HTR5A: variants seen among roughly 807,000 people sequenced by gnomAD.
The protein encoded by HTR5A is 5-hydroxytryptamine receptor 5A.
In HTR5A, 21 loss-of-function variants were observed where a neutral mutation model predicts 24.3. That is an observed-to-expected ratio of 0.86 (90% confidence interval 0.61 to 1.24). The LOEUF is 1.24. HTR5A is among the 50% of genes most tolerant of loss of function. The probability of loss-of-function intolerance (pLI) is 0.00; values close to 1 mark genes in which losing one functional copy is unlikely to be tolerated. For missense variants in HTR5A, 497 were observed against 489.5 expected (o/e 1.02, Z -0.15); for synonymous variants, 260 against 213.7 (o/e 1.22, Z -1.89).
chr7:155,075,635 C>G (rs1049468626), intron 1 of HTR5A, among the ~76,000 whole-genome samples: 3 of 152,144 alleles, frequency 2.0e-5, no homozygotes, highest in Non-Finnish European at 4.4e-5. Flanking sequence ...GTTCCTTTTT[C>G]TTCTAGCTTA....
At chr7:155,072,662 A>G (rs1795310301) in intron 1 of HTR5A, among the ~76,000 whole-genome samples, 1 of 152,226 alleles carries the variant, frequency 6.6e-6, no homozygotes, top group South Asian at 2.1e-4. Context: ...TGGCTCTGAA[A>G]CAAGAAAGTA....
intron 1 of HTR5A, among the ~76,000 whole-genome samples, chr7:155,075,698 C>T (rs1795352159): frequency 2.0e-5 from 3 of 152,144 alleles, no homozygotes; most frequent in African/African-American, 4.8e-5. Context: ...GAAATGGTAG[C>T]TATAGGGTAA....
chr7:155,086,978 G>A lies in HTR5A; in HGVS notation c.*2491G>A, dbSNP rs570529655. ...GGTTTCCTGCAAGCCCTCTCTGTAG[G>A]GTGACTGAGGTGAACCAATCCAAAG... On this transcript the variant is annotated 3_prime_UTR_variant, in exon 2 of 2. Transcript: ENST00000287907. Among the ~76,000 whole-genome samples, 103 of 152,174 alleles carry A rather than the reference G, an allele frequency of 6.8e-4. No homozygotes were observed. The highest frequency in any genetic ancestry group is 2.4e-3 in the African/African-American group (99 of 41,534).
rs1392961892 is a variant in HTR5A, at chr7:155,086,823, T to C, written c.*2336T>C. ...AACACTCTCATTTATGCTTGACTGC[T>C]AATATTTTATCAGGTTAGAAATTTA... is the stretch of plus-strand genomic sequence containing the variant. On this transcript the variant is annotated 3_prime_UTR_variant, in exon 2 of 2. Transcript: ENST00000287907. Among the ~76,000 whole-genome samples, 1 of 152,232 alleles carries C rather than the reference T, an allele frequency of 6.6e-6. No homozygotes were observed. The highest frequency in any genetic ancestry group is 2.4e-5 in the African/African-American group (1 of 41,462).
In HTR5A at chr7:155,084,713, T is replaced by C. The variant is rs900145572; in HGVS notation, c.*226T>C. 8 of 516,994 alleles carry C rather than the reference T, an allele frequency of 1.5e-5. No individual in the cohort carries two copies. 32.0% of individuals were successfully genotyped at this position (516,994 alleles called of 1,614,324 possible). A position where few individuals can be genotyped will look rare whatever the true frequency, so the allele number is the denominator to read the frequency against. On this transcript the variant is annotated 3_prime_UTR_variant, in exon 2 of 2. Transcript: ENST00000287907. ...GTATCTAACTTATCTACTATCCCTT[T>C]CTCTGTGCTGACAGTCATGGTCTTT...
chr7:155,070,870 A>G lies in HTR5A; in HGVS notation c.-30A>G, dbSNP rs1404121322. ...AGTCCTCCTGAACACCCCTTCTGCA[A>G]GTACCCCAGGGCGGTCTCCTGACCC... On this transcript the variant is annotated 5_prime_UTR_variant, in exon 1 of 2. Coordinates refer to ENST00000287907, the MANE Select transcript of HTR5A (RefSeq NM_024012.4). 1.3e-6 allele frequency: 2 copies of G among 1,571,322 alleles called. No homozygotes were observed.
chr7:155,082,169 A>T (rs1314946286), intron 1 of HTR5A, among the ~76,000 whole-genome samples: 2 of 151,792 alleles, frequency 1.3e-5, no homozygotes, highest in African/African-American at 4.9e-5. Flanking sequence ...TGTGAACGAC[A>T]TCCACACTGT....
chr7:155,073,901 A>AAG (rs1554519646), intron 1 of HTR5A, among the ~76,000 whole-genome samples: 1 of 128,708 alleles, frequency 7.8e-6, no homozygotes, highest in Admixed American at 8.0e-5. Flanking sequence ...ATATATATAT[A>AAG]TATATATATA....
Position 155,070,968 on chromosome 7 carries a change from C to A in HTR5A, c.69C>A (p.Ser23Arg), listed in dbSNP as rs1249810733. ...STPSPLETNHSLGKDDLRPSS... is the reference protein window; with the variant it reads ...STPSPLETNHRLGKDDLRPSS... ...CCTCCCCTTTGGAGACCAACCACAG[C>A]CTCGGCAAAGACGACCTGCGCCCCA... is the stretch of plus-strand genomic sequence containing the variant. Residue 23 changes from serine to arginine, a missense_variant, in exon 1 of 2, where the codon AGC becomes AGA. Coordinates refer to ENST00000287907, the MANE Select transcript of HTR5A (RefSeq NM_024012.4). The A allele has an allele frequency of 1.2e-6, 2 of 1,611,108 alleles. No homozygotes were observed. Among genetic ancestry groups the A allele is most frequent in the African/African-American group, 2.7e-5 (2 of 75,052 alleles).
chr7:155,074,437 T>C (rs1795339030), intron 1 of HTR5A, among the ~76,000 whole-genome samples: 1 of 152,212 alleles, frequency 6.6e-6, no homozygotes, highest in Non-Finnish European at 1.5e-5. Context: ...TTGGGAGGTA[T>C]GGAGCCTCAC....
At chr7:155,075,569 G>A (rs1795350996) in intron 1 of HTR5A, among the ~76,000 whole-genome samples, 1 of 152,156 alleles carries the variant, frequency 6.6e-6, no homozygotes. Flanking sequence ...AGACTTCCCA[G>A]CTTTGATCAG....
chr7:155,080,495 TG>T lies in HTR5A; in HGVS notation c.742-3659del, dbSNP rs149840256. Reference sequence around the variant, plus strand: ...GAGTTTGGGGCCCAGTGAATGCACTTGTGGCCCAAGGATCCCACGGAGAGTC... The same window carrying T: ...GAGTTTGGGGCCCAGTGAATGCACTTTGGCCCAAGGATCCCACGGAGAGTC... On this transcript the variant is annotated intron_variant, in intron 1 of 1. Coordinates refer to ENST00000287907, the MANE Select transcript of HTR5A (RefSeq NM_024012.4). 2.9e-3 allele frequency among the ~76,000 whole-genome samples: 440 copies of T among 152,344 alleles called. 3 individuals are homozygous for T. The highest frequency in any genetic ancestry group is 9.7e-3 in the African/African-American group (404 of 41,586).
chr7:155,070,978 G>A lies in HTR5A; in HGVS notation c.79G>A (p.Asp27Asn), dbSNP rs193920930. 3 of 1,611,398 alleles carry A rather than the reference G, an allele frequency of 1.9e-6. No individual in the cohort carries two copies. The highest frequency in any genetic ancestry group is 3.3e-5 in the Admixed American group (2 of 60,004). The change falls in exon 1 of 2, where the codon GAC becomes AAC. Residue 27 changes from aspartate (D) to asparagine (N), a missense_variant. Physicochemically the swap from Asp to Asn is conservative, Grantham distance 23 (BLOSUM62 1). Transcript: ENST00000287907. ...PLETNHSLGK[D>N]DLRPSSPLLS... ...GGAGACCAACCACAGCCTCGGCAAA[G>A]ACGACCTGCGCCCCAGCTCGCCCCT...
intron 1 of HTR5A, among the ~76,000 whole-genome samples, chr7:155,073,972 G>A (rs1389182923): frequency 2.1e-5 from 3 of 145,832 alleles, no homozygotes; most frequent in Non-Finnish European, 4.5e-5. Context: ...TTTTTAAATG[G>A]GCCCCTTGGC....
At position 155,083,432 on chromosome 7, in the gene HTR5A, T is replaced by C. The variant is rs142509625; in HGVS notation, c.742-723T>C. Among the ~76,000 whole-genome samples, 28 of 152,292 alleles carry C rather than the reference T, an allele frequency of 1.8e-4. No individual in the cohort carries two copies. In the East Asian group the frequency reaches 3.7e-3, roughly 20 times the overall value. Reference sequence around the variant, plus strand: ...TATCAGTTCTCCCAAGAGCTAAAAATAGGACCAGAAGGGAGGAAGAGCTTC... The same window carrying C: ...TATCAGTTCTCCCAAGAGCTAAAAACAGGACCAGAAGGGAGGAAGAGCTTC... On this transcript the variant is annotated intron_variant, in intron 1 of 1. Transcript: ENST00000287907.
chr7:155,080,729 G>A (rs1440462), intron 1 of HTR5A, among the ~76,000 whole-genome samples: 3,603 of 152,332 alleles, frequency 0.024, 136 homozygotes, highest in African/African-American at 0.077. Context: ...GACACTCAGA[G>A]TAGCAGCAGG....
chr7:155,077,578 C>T (rs1027485726), intron 1 of HTR5A, among the ~76,000 whole-genome samples: 1 of 151,492 alleles, frequency 6.6e-6, no homozygotes, highest in Non-Finnish European at 1.5e-5. Context: ...ATTCTCCTGC[C>T]TCAGCCTCCC....
chr7:155,079,054 C>T (rs1307088989), intron 1 of HTR5A, among the ~76,000 whole-genome samples: 6 of 151,976 alleles, frequency 3.9e-5, no homozygotes, highest in Admixed American at 6.5e-5. Flanking sequence ...ACCCTGGGCT[C>T]ATGCAGTCCT....
intron 1 of HTR5A, among the ~76,000 whole-genome samples, chr7:155,072,731 T>C (rs1795311070): frequency 6.6e-6 from 1 of 152,142 alleles, no homozygotes. Context: ...AAGCGAATGA[T>C]AGAGATGTTG....
Sources: allele counts gnomAD v4.1 joint callset (sites outside exome capture counted in the v4.1 genomes callset), GRCh38; gene constraint gnomAD v4.1.1; transcripts MANE v1.5; gene names NCBI Gene and HGNC (gene_info 2026-07-23, HGNC 2026-07-21).